ZNF44: variants seen among roughly 807,000 people sequenced by gnomAD.
The protein encoded by ZNF44 is gonadotropin inducible transcription repressor-2.
A neutral mutation model predicts 11.7 loss-of-function variants in ZNF44; 9 were observed. The observed-to-expected ratio is 0.77, with a 90% CI of 0.46 to 1.35. The LOEUF (loss-of-function observed/expected upper bound fraction) is 1.35, where lower values mean the gene tolerates loss of function less well. ZNF44 is among the 40% of genes most tolerant of loss of function. The pLI is 0.00. For missense variants in ZNF44, 696 were observed against 743.1 expected, an observed-to-expected ratio of 0.94 and a Z score of 0.74; for synonymous variants, 224 against 242.7, an observed-to-expected ratio of 0.92 and a Z score of 0.72.
At chr19:12,247,401 G>A (rs938151287), downstream of ZNF44, 73 of 1,310,920 alleles carry the variant, frequency 5.6e-5, no homozygotes, top group Non-Finnish European at 7.1e-5. Flanking sequence ...TCGAAAGCCT[G>A]TAAGGAAACT....
At chr19:12,226,807 C>T (rs1006522312) in intron 3 of ZNF44, among the ~76,000 whole-genome samples, 1 of 152,176 alleles carries the variant, frequency 6.6e-6, no homozygotes, top group Admixed American at 6.5e-5. Flanking sequence ...TGGGTCCCAT[C>T]TGTAATCCCA....
At chr19:12,236,314 A>C (rs1916387423) in intron 1 of ZNF44, among the ~76,000 whole-genome samples, 1 of 152,198 alleles carries the variant, frequency 6.6e-6, no homozygotes, top group Admixed American at 6.5e-5. Context: ...GTGTTAAAAG[A>C]AATAAGAGGC....
chr19:12,268,155 CACACACACACACACACACACACACACA>C (rs1599520356), downstream of ZNF44, among the ~76,000 whole-genome samples: 1 of 139,766 alleles, frequency 7.2e-6, no homozygotes, highest in East Asian at 2.2e-4. Context: ...GACACACACA[CACACACACACACACACACACACACACA>C]AGCTCCTTCC....
chr19:12,246,526 C>A (rs1436908622), downstream of ZNF44, among the ~76,000 whole-genome samples: 2 of 136,160 alleles, frequency 1.5e-5, no homozygotes, highest in African/African-American at 6.1e-5. Flanking sequence ...ACCAAACTGT[C>A]ATTTTTCAAT....
intron 1 of ZNF44, chr19:12,293,192 A>C: frequency 3.3e-6 from 5 of 1,523,384 alleles, no homozygotes; most frequent in Non-Finnish European, 4.4e-6. Context: ...TTTTACAGGA[A>C]TGATATACCA....
At chr19:12,251,006 A>T (rs1916969042) in intron 5 of ZNF44, among the ~76,000 whole-genome samples, 1 of 152,050 alleles carries the variant, frequency 6.6e-6, no homozygotes, top group Non-Finnish European at 1.5e-5. Flanking sequence ...CGGGCAGATT[A>T]TCTGAGCTCA....
intron 7 of ZNF44, among the ~76,000 whole-genome samples, chr19:12,249,449 T>C (rs1432653513): frequency 1.5e-5 from 2 of 137,672 alleles, no homozygotes; most frequent in Non-Finnish European, 3.0e-5. Flanking sequence ...GAGCTTGCAG[T>C]GAGCCGAGAT....
downstream of ZNF44, among the ~76,000 whole-genome samples, chr19:12,245,971 G>A (rs1396240365): frequency 6.6e-6 from 1 of 152,126 alleles, no homozygotes; most frequent in Non-Finnish European, 1.5e-5. Context: ...TCTCAGACAG[G>A]TAGAGTTCCA....
At chr19:12,229,324 A>T (rs1180392040) in intron 3 of ZNF44, among the ~76,000 whole-genome samples, 1 of 152,186 alleles carries the variant, frequency 6.6e-6, no homozygotes, top group Non-Finnish European at 1.5e-5. Flanking sequence ...AAAGATTTTG[A>T]GAGGTACTTA....
At chr19:12,279,478 A>G (rs555917475) in intron 1 of ZNF44, among the ~76,000 whole-genome samples, 2 of 152,278 alleles carry the variant, frequency 1.3e-5, no homozygotes, top group African/African-American at 4.8e-5. Context: ...CTCCTTTTCA[A>G]TACCCCCACC....
At chr19:12,263,924 CAAA>C (rs796313617) in intron 5 of ZNF44, among the ~76,000 whole-genome samples, 5 of 105,376 alleles carry the variant, frequency 4.7e-5, no homozygotes, top group South Asian at 3.2e-4. Context: ...GACTCCGTCT[CAAA>C]AAAAAAAAAA....
At chr19:12,280,989 G>A (rs1402630518) in intron 1 of ZNF44, among the ~76,000 whole-genome samples, 2 of 152,038 alleles carry the variant, frequency 1.3e-5, no homozygotes, top group African/African-American at 4.8e-5. Context: ...CACAAATCTA[G>A]GATTATAGTT....
chr19:12,241,780 G>A (rs1049818469), upstream of ZNF44, among the ~76,000 whole-genome samples: 4 of 152,152 alleles, frequency 2.6e-5, no homozygotes, highest in Non-Finnish European at 5.9e-5. Flanking sequence ...GAGTTTTGTG[G>A]AAACAACCCA....
chr19:12,228,738 C>T (rs538482863), intron 3 of ZNF44, among the ~76,000 whole-genome samples: 2 of 152,210 alleles, frequency 1.3e-5, no homozygotes, highest in South Asian at 4.1e-4. Context: ...CCAAAACAAA[C>T]TTCCTTCATG....
At chr19:12,242,601 T>G (rs1599492367) in intron 6 of ZNF44, 1 of 136,542 alleles carries the variant, frequency 7.3e-6, no homozygotes, top group Non-Finnish European at 1.5e-5. Flanking sequence ...GGCAGGAAGA[T>G]CCCTTGAGCC....
chr19:12,257,802 A>G (rs1599507188), intron 5 of ZNF44, among the ~76,000 whole-genome samples: 2 of 149,114 alleles, frequency 1.3e-5, no homozygotes, highest in East Asian at 4.0e-4. Flanking sequence ...CTGTCTCAAA[A>G]AAAAAAAAAA....
At chr19:12,256,592 A>G (rs1017803187) in intron 5 of ZNF44, among the ~76,000 whole-genome samples, 3 of 151,988 alleles carry the variant, frequency 2.0e-5, no homozygotes, top group African/African-American at 7.3e-5. Flanking sequence ...TGCCTCTTAC[A>G]TTCTAGATGG....
chr19:12,271,649 A>G (rs1966952079), downstream of ZNF44, among the ~76,000 whole-genome samples: 3 of 152,248 alleles, frequency 2.0e-5, no homozygotes, highest in Admixed American at 2.0e-4. Context: ...ACATTCTTTC[A>G]GGTCATTAGA....
intron 1 of ZNF44, among the ~76,000 whole-genome samples, chr19:12,290,739 T>A (rs1030179317): frequency 1.3e-5 from 2 of 150,856 alleles, no homozygotes; most frequent in Admixed American, 6.6e-5. Context: ...TAAAAATAAA[T>A]TTTAAAAAAA....
Sources: gnomAD v4.1 joint callset for allele counts (sites outside exome capture counted in the v4.1 genomes callset) on GRCh38, gnomAD v4.1.1 for gene constraint, MANE v1.5 for transcripts, NCBI Gene and HGNC (gene_info 2026-07-23, HGNC 2026-07-21) for gene names.